TMTC2: variants seen among roughly 807,000 people sequenced by gnomAD.
The protein encoded by TMTC2 is transmembrane O-mannosyltransferase targeting cadherins 2.
In TMTC2, 43 loss-of-function variants were observed where a neutral mutation model predicts 82.4. The observed-to-expected ratio is 0.52, with a 90% CI of 0.41 to 0.67. The LOEUF (loss-of-function observed/expected upper bound fraction) is 0.67. Ranked by LOEUF, TMTC2 falls within the 30% of genes least tolerant of loss-of-function variation. The pLI is 0.00. For synonymous variants in TMTC2, 408 were observed against 381.9 expected (o/e 1.07, Z -0.80); for missense variants, 919 against 1,012.4 (o/e 0.91, Z 1.25).
intron 3 of TMTC2, among the ~76,000 whole-genome samples, chr12:82,923,202 T>C (rs1051519233): frequency 6.6e-6 from 1 of 152,210 alleles, no homozygotes; most frequent in Admixed American, 6.5e-5. Context: ...GTATAAAAGA[T>C]ATCTTGTTGT....
chr12:82,693,282 C>A (rs1341085812), intron 1 of TMTC2, among the ~76,000 whole-genome samples: 2 of 152,176 alleles, frequency 1.3e-5, no homozygotes. Context: ...TAAAAACTTT[C>A]ATTGGGAGTC....
At chr12:83,006,818 G>A (rs148507512) in intron 8 of TMTC2, among the ~76,000 whole-genome samples, 2,222 of 152,212 alleles carry the variant, frequency 0.015, 63 homozygotes, top group African/African-American at 0.05. Context: ...GGATAAAGCT[G>A]GAAACCATCA....
In TMTC2 at chr12:83,124,942, A is replaced by T. The variant is rs1443181171; in HGVS notation, c.2332-7268A>T. ...TGAGATGCTAAATTTACATGATGCCAGTAGAAATGAAGAGTAGTAAAGAGA... is the reference window on the plus strand; with the variant it reads ...TGAGATGCTAAATTTACATGATGCCTGTAGAAATGAAGAGTAGTAAAGAGA... On this transcript the variant is annotated intron_variant, in intron 11 of 11. Transcript: ENST00000321196. Among the ~76,000 whole-genome samples, 4 of 152,216 alleles carry T rather than the reference A, an allele frequency of 2.6e-5. No homozygotes were observed. In the East Asian group the frequency reaches 7.7e-4, roughly 29 times the overall value.
In TMTC2 at chr12:82,868,094, G is replaced by A. The variant is rs150750806; in HGVS notation, c.654+10514G>A. On this transcript the variant is annotated intron_variant, in intron 2 of 11. Transcript: ENST00000321196. ...GGATATAATATCTTCGCTGTTTTGT[G>A]TTAAGTATGAATATAGTAAATGTGT... Among the ~76,000 whole-genome samples, 429 of 152,288 alleles carry A rather than the reference G, an allele frequency of 2.8e-3. 1 individual carries two copies. The highest frequency in any genetic ancestry group is 9.9e-3 in the African/African-American group (411 of 41,574).
At chr12:83,118,174 C>T (rs1884828942) in intron 11 of TMTC2, among the ~76,000 whole-genome samples, 1 of 152,092 alleles carries the variant, frequency 6.6e-6, no homozygotes, top group South Asian at 2.1e-4. Context: ...CTTCTCTTGT[C>T]TGATTGCTCT....
At chr12:82,835,333 T>A (rs1050551140) in intron 1 of TMTC2, among the ~76,000 whole-genome samples, 3 of 152,206 alleles carry the variant, frequency 2.0e-5, no homozygotes, top group Admixed American at 1.3e-4. Context: ...ATGTCTAAAT[T>A]TGCACTGTAT....
intron 8 of TMTC2, among the ~76,000 whole-genome samples, chr12:83,017,649 A>C (rs1880732669): frequency 6.6e-6 from 1 of 152,156 alleles, no homozygotes; most frequent in Non-Finnish European, 1.5e-5. Flanking sequence ...TGATTCCTTT[A>C]CCGCATGGTA....
chr12:82,912,069 C>T (rs1034443109), intron 3 of TMTC2, among the ~76,000 whole-genome samples: 1 of 152,312 alleles, frequency 6.6e-6, no homozygotes, highest in South Asian at 2.1e-4. Flanking sequence ...TTTCAGTGAT[C>T]TTAAACAGCA....
chr12:82,829,578 A>G (rs10506883), intron 1 of TMTC2, among the ~76,000 whole-genome samples: 8 of 152,192 alleles, frequency 5.3e-5, no homozygotes, highest in African/African-American at 7.2e-5. Context: ...TCCCACCTCT[A>G]TGATAGATAC....
At chr12:82,811,620 A>G (rs1056694921) in intron 1 of TMTC2, among the ~76,000 whole-genome samples, 2 of 152,006 alleles carry the variant, frequency 1.3e-5, no homozygotes, top group Non-Finnish European at 2.9e-5. Flanking sequence ...ATATATTTGC[A>G]AATCATTTTA....
chr12:83,029,266 G>A (rs1425485130), intron 8 of TMTC2, among the ~76,000 whole-genome samples: 1 of 152,098 alleles, frequency 6.6e-6, no homozygotes, highest in African/African-American at 2.4e-5. Context: ...AGCTTTGAAT[G>A]CAACCCAACA....
chr12:82,858,322 G>A (rs982999542), intron 2 of TMTC2, among the ~76,000 whole-genome samples: 2 of 152,160 alleles, frequency 1.3e-5, no homozygotes, highest in Admixed American at 6.5e-5. Context: ...TTGAGCGGAC[G>A]GGGCATCTTG....
chr12:82,730,260 ACTCCAGC>A (rs1874717723), intron 1 of TMTC2, among the ~76,000 whole-genome samples: 1 of 126,192 alleles, frequency 7.9e-6, no homozygotes, highest in Admixed American at 1.0e-4. Context: ...GCGCTACTGC[ACTCCAGC>A]CTGGGCAACA....
At chr12:83,083,247 G>C (rs1442126137) in intron 11 of TMTC2, among the ~76,000 whole-genome samples, 1 of 152,158 alleles carries the variant, frequency 6.6e-6, no homozygotes, top group Non-Finnish European at 1.5e-5. Flanking sequence ...AAGCTACATA[G>C]ACAATGAGCA....
chr12:83,027,671 C>A (rs1271373954), intron 8 of TMTC2, among the ~76,000 whole-genome samples: 1 of 152,146 alleles, frequency 6.6e-6, no homozygotes, highest in Non-Finnish European at 1.5e-5. Flanking sequence ...GTGGTCAAAG[C>A]AGAAAGATGA....
intron 2 of TMTC2, among the ~76,000 whole-genome samples, chr12:82,876,162 G>GAT (rs1872563132): frequency 4.9e-5 from 7 of 142,644 alleles, no homozygotes; most frequent in African/African-American, 2.0e-4. Flanking sequence ...TGGTAGTGGT[G>GAT]GTAGTGTTGT....
intron 9 of TMTC2, among the ~76,000 whole-genome samples, chr12:83,036,914 T>G (rs1438227128): frequency 6.6e-6 from 1 of 152,060 alleles, no homozygotes; most frequent in African/African-American, 2.4e-5. Context: ...GCATCCAGGC[T>G]TTATAAGAAC....
At chr12:82,926,933 G>A (rs1020415354) in intron 3 of TMTC2, among the ~76,000 whole-genome samples, 4 of 152,160 alleles carry the variant, frequency 2.6e-5, no homozygotes, top group Non-Finnish European at 4.4e-5. Flanking sequence ...GATTATCATT[G>A]CCAGTGCACC....
At chr12:82,999,317 G>A (rs1032635939) in intron 8 of TMTC2, among the ~76,000 whole-genome samples, 6 of 152,182 alleles carry the variant, frequency 3.9e-5, no homozygotes, top group African/African-American at 1.4e-4. Flanking sequence ...GGGTTTGGGA[G>A]GAAAACCACC....
Sources: gnomAD v4.1 joint callset for allele counts (sites outside exome capture counted in the v4.1 genomes callset) on GRCh38, gnomAD v4.1.1 for gene constraint, MANE v1.5 for transcripts, NCBI Gene and HGNC (gene_info 2026-07-23, HGNC 2026-07-21) for gene names.